DGKB: variants seen among roughly 807,000 people sequenced by gnomAD.
DGKB encodes the protein diacylglycerol kinase beta.
In DGKB, 67 loss-of-function variants were observed where a neutral mutation model predicts 114.3. The ratio of observed to expected loss-of-function variants is 0.59; its 90% CI spans 0.48 to 0.72. The LOEUF (loss-of-function observed/expected upper bound fraction) is 0.72. Among genes scored for constraint, DGKB ranks in the 30% least tolerant of loss-of-function variants. DGKB has a pLI of 0.00. For synonymous variants in DGKB, 398 were observed against 323.1 expected (o/e 1.23, Z -2.49); for missense variants, 907 against 975.2 (o/e 0.93, Z 0.93).
At chr7:14,612,328 C>A (rs970310155) in intron 16 of DGKB, among the ~76,000 whole-genome samples, 1 of 151,808 alleles carries the variant, frequency 6.6e-6, no homozygotes, top group Non-Finnish European at 1.5e-5. Flanking sequence ...CACGACCATG[C>A]CTCGCTAATT....
intron 13 of DGKB, among the ~76,000 whole-genome samples, chr7:14,656,071 T>C (rs552127107): frequency 6.6e-6 from 1 of 151,778 alleles, no homozygotes; most frequent in South Asian, 2.1e-4. Flanking sequence ...TTTTAGGTGA[T>C]GGTTATACTA....
At position 14,148,169 on chromosome 7, in the gene DGKB, G is replaced by A. The variant is rs1016304439; in HGVS notation, c.*962C>T. ...CTGGCTTATTGTCTGTCTGTGAAAG[G>A]TGAGAATTTTAATCATAATTAATGG... On this transcript the variant is annotated 3_prime_UTR_variant, in exon 26 of 26. Coordinates refer to ENST00000402815, the MANE Select transcript of DGKB (RefSeq NM_001350709.2). 5.2e-5 allele frequency: 8 copies of A among 152,544 alleles called. No individual in the cohort carries two copies. Among genetic ancestry groups the A allele is most frequent in the Non-Finnish European group, 1.2e-4 (8 of 68,020 alleles). The allele number at this position is 152,544 out of a possible 1,614,324, so 9.4% of individuals were successfully genotyped here. A position where few individuals can be genotyped will look rare whatever the true frequency, so the allele number is the denominator to read the frequency against.
rs577704993 is a variant in DGKB, at chr7:14,169,569, C to T, written c.2304+7270G>A. On this transcript the variant is annotated intron_variant, in intron 25 of 25. Coordinates refer to ENST00000402815, the MANE Select transcript of DGKB (RefSeq NM_001350709.2). ...AGTGGTTCCTATGAGGCATAGCAGT[C>T]TGGTCCCGGCCTTGGGAGAATAATT... Among the ~76,000 whole-genome samples the T allele has an allele frequency of 1.7e-3, 258 of 152,100 alleles. 1 individual carries two copies. Among genetic ancestry groups the T allele is most frequent in the African/African-American group, 5.8e-3 (241 of 41,508 alleles).
chr7:14,407,629 C>A (rs1224431652), intron 21 of DGKB, among the ~76,000 whole-genome samples: 1 of 152,026 alleles, frequency 6.6e-6, no homozygotes, highest in Non-Finnish European at 1.5e-5. Context: ...CAAAACAATT[C>A]ATGTTTTATT....
intron 2 of DGKB, among the ~76,000 whole-genome samples, chr7:14,817,300 T>C (rs10276530): frequency 0.45 from 68,136 of 152,016 alleles, 15,602 homozygotes; most frequent in Non-Finnish European, 0.49. Flanking sequence ...AAAGTTTTAA[T>C]TTGTCAATCA....
chr7:14,647,842 G>A (rs62445650), intron 13 of DGKB, among the ~76,000 whole-genome samples: 254 of 152,350 alleles, frequency 1.7e-3, no homozygotes, highest in Non-Finnish European at 2.2e-3. Flanking sequence ...GAAGCGCAAG[G>A]GGTCAGGGAG....
intron 3 of DGKB, among the ~76,000 whole-genome samples, chr7:14,755,272 G>C (rs1834703320): frequency 6.6e-6 from 1 of 151,928 alleles, no homozygotes; most frequent in Non-Finnish European, 1.5e-5. Flanking sequence ...GACTTCAACA[G>C]GTCATATCTT....
At chr7:14,869,469 T>C (rs1488013169) in intron 1 of DGKB, among the ~76,000 whole-genome samples, 2 of 152,184 alleles carry the variant, frequency 1.3e-5, no homozygotes, top group Non-Finnish European at 2.9e-5. Flanking sequence ...GAAACATTCT[T>C]TGTATTTTTA....
chr7:14,478,722 C>T (rs866268106), intron 20 of DGKB, among the ~76,000 whole-genome samples: 7 of 151,750 alleles, frequency 4.6e-5, no homozygotes, highest in Non-Finnish European at 1.0e-4. Context: ...TACTTGACTT[C>T]AGAATTTGCT....
At chr7:14,939,891 G>C (rs1382053774) in intron 1 of DGKB, among the ~76,000 whole-genome samples, 2 of 152,022 alleles carry the variant, frequency 1.3e-5, no homozygotes, top group African/African-American at 4.8e-5. Flanking sequence ...GGGATTACAG[G>C]CGTGAGCCAC....
At chr7:14,570,392 T>C (rs1474806764) in intron 20 of DGKB, among the ~76,000 whole-genome samples, 1 of 152,034 alleles carries the variant, frequency 6.6e-6, no homozygotes, top group Non-Finnish European at 1.5e-5. Flanking sequence ...TGTATTTAAA[T>C]ACAATTGACC....
intron 18 of DGKB, 33 bp from the exon 19 acceptor site, chr7:14,580,984 A>T: frequency 6.6e-7 from 1 of 1,504,690 alleles, no homozygotes; most frequent in Non-Finnish European, 9.1e-7. Flanking sequence ...AATAAAGAAA[A>T]TTTTAAGTTC....
At chr7:14,490,799 G>T (rs146892565) in intron 20 of DGKB, among the ~76,000 whole-genome samples, 1 of 152,118 alleles carries the variant, frequency 6.6e-6, no homozygotes, top group African/African-American at 2.4e-5. Context: ...TAGGGAGTCA[G>T]TGAATTCTGT....
chr7:14,700,962 C>A (rs531708661), intron 7 of DGKB, among the ~76,000 whole-genome samples: 2 of 151,894 alleles, frequency 1.3e-5, no homozygotes, highest in African/African-American at 2.4e-5. Context: ...TGGATAGAAC[C>A]TGAGATGGAA....
In DGKB at chr7:14,672,887, C is replaced by T. The variant is rs750672002; in HGVS notation, c.1134+42G>A. On this transcript the variant is annotated intron_variant, in intron 13 of 25. Transcript: ENST00000402815. ...AATGGTATACGATACTGATAAGTCA[C>T]AGCAATCCTAAGTTATAGTAGAATG... 4 of 1,222,230 alleles carry T rather than the reference C, an allele frequency of 3.3e-6. No homozygotes were observed. In the African/African-American group the frequency reaches 4.5e-5, roughly 14 times the overall value. The allele number at this position is 1,222,230 out of a possible 1,614,324, so 75.7% of individuals were successfully genotyped here. A position where few individuals can be genotyped will look rare whatever the true frequency, so the allele number is the denominator to read the frequency against.
chr7:14,890,506 C>A lies in DGKB; in HGVS notation c.-188+12086G>T, dbSNP rs548937361. Among the ~76,000 whole-genome samples, 11 of 151,400 alleles carry A rather than the reference C, an allele frequency of 7.3e-5. No individual in the cohort carries two copies. The East Asian group carries it at 1.4e-3, about 19-fold the overall frequency. Reference sequence around the variant, plus strand: ...AGGGCTGTAAGAAATGAAGTCCTAGCACAAGTGACCACCCACTCCTGAACT... The same window carrying A: ...AGGGCTGTAAGAAATGAAGTCCTAGAACAAGTGACCACCCACTCCTGAACT... On this transcript the variant is annotated intron_variant, in intron 1 of 25. Coordinates refer to ENST00000402815, the MANE Select transcript of DGKB (RefSeq NM_001350709.2).
chr7:14,315,840 G>A (rs1171420472), intron 23 of DGKB, among the ~76,000 whole-genome samples: 1 of 150,258 alleles, frequency 6.7e-6, no homozygotes, highest in East Asian at 2.0e-4. Flanking sequence ...ATTTTTTTCA[G>A]CACCACACCA....
At chr7:14,495,826 T>C (rs1477038813) in intron 20 of DGKB, among the ~76,000 whole-genome samples, 1 of 151,764 alleles carries the variant, frequency 6.6e-6, no homozygotes, top group East Asian at 1.9e-4. Flanking sequence ...TAAAGCTTAG[T>C]ATAACCCTTT....
chr7:14,669,071 T>A (rs1426898517), intron 13 of DGKB, among the ~76,000 whole-genome samples: 1 of 152,298 alleles, frequency 6.6e-6, no homozygotes, highest in South Asian at 2.1e-4. Context: ...CCCACTTTCC[T>A]AGGTGACACA....
Sources: allele counts gnomAD v4.1 joint callset (sites outside exome capture counted in the v4.1 genomes callset), GRCh38; gene constraint gnomAD v4.1.1; transcripts MANE v1.5; gene names NCBI Gene and HGNC (gene_info 2026-07-23, HGNC 2026-07-21).